Variants in GALNT13 observed in about 807,000 individuals in gnomAD.
GALNT13 encodes UDP-GalNAc:polypeptide N-acetylgalactosaminyltransferase 13.
Under a neutral mutation model 64.2 loss-of-function variants are expected in GALNT13, and 28 were observed. That is an observed-to-expected ratio of 0.44 (90% CI 0.32 to 0.60). GALNT13 has a LOEUF of 0.60. Among genes scored for constraint, GALNT13 ranks in the 20% least tolerant of loss-of-function variants. GALNT13 has a pLI of 0.05. For synonymous variants in GALNT13, 214 were observed against 224.6 expected (o/e 0.95, Z 0.42); for missense variants, 577 against 669.8 (o/e 0.86, Z 1.53).
At chr2:153,328,767 A>G in the GALNT13 span, among the ~76,000 whole-genome samples, 1 of 152,098 alleles carries the variant, frequency 6.6e-6, no homozygotes, top group Non-Finnish European at 1.5e-5. Context: ...TCCGCTCAGC[A>G]AGACCACTCG....
chr2:153,400,050 T>C, the GALNT13 span, among the ~76,000 whole-genome samples: 1 of 152,006 alleles, frequency 6.6e-6, no homozygotes, highest in Non-Finnish European at 1.5e-5. Context: ...AGTATGATAC[T>C]GGCTGTGGGT....
intron 4 of GALNT13, among the ~76,000 whole-genome samples, chr2:154,204,020 A>G (rs1009165703): frequency 4.6e-5 from 7 of 152,100 alleles, no homozygotes; most frequent in Admixed American, 1.3e-4. Context: ...CTCTTTAACT[A>G]TATCTCTGGT....
At chr2:153,083,336 C>G in the GALNT13 span, among the ~76,000 whole-genome samples, 15,765 of 152,168 alleles carry the variant, frequency 0.1, 881 homozygotes, top group Non-Finnish European at 0.12. Context: ...ACAGTGGTTG[C>G]ACTAGTTTAC....
chr2:153,895,291 C>G (rs1687814286), intron 1 of GALNT13, among the ~76,000 whole-genome samples: 3 of 152,112 alleles, frequency 2.0e-5, no homozygotes, highest in Admixed American at 2.0e-4. Context: ...GCCTTAATTA[C>G]ATCCCTTATC....
intron 9 of GALNT13, among the ~76,000 whole-genome samples, chr2:154,370,292 T>C (rs1697610317): frequency 6.6e-6 from 1 of 152,216 alleles, no homozygotes; most frequent in Middle Eastern, 3.4e-3. Flanking sequence ...GATCCAAAAA[T>C]CATTGAACAG....
the GALNT13 span, among the ~76,000 whole-genome samples, chr2:153,554,656 A>ATGTGTGTGTGTGTGTGTGTG: frequency 6.8e-6 from 1 of 146,260 alleles, no homozygotes; most frequent in South Asian, 2.2e-4. Flanking sequence ...GATGCTGTAT[A>ATGTGTGTGTGTGTGTGTGTG]TGTGTGTGTG....
At chr2:153,481,011 G>C in the GALNT13 span, among the ~76,000 whole-genome samples, 627 of 152,258 alleles carry the variant, frequency 4.1e-3, 21 homozygotes, top group East Asian at 0.071. Context: ...AAACCTTGGA[G>C]TCAGGAGAGT....
chr2:153,789,508 C>T, the GALNT13 span, among the ~76,000 whole-genome samples: 495 of 152,136 alleles, frequency 3.3e-3, 5 homozygotes, highest in African/African-American at 0.011. Flanking sequence ...CTCAAATTAA[C>T]AGCCTAATAT....
intron 4 of GALNT13, among the ~76,000 whole-genome samples, chr2:154,163,699 G>A (rs1684867897): frequency 6.6e-6 from 1 of 152,140 alleles, no homozygotes; most frequent in African/African-American, 2.4e-5. Flanking sequence ...CAGGGATAGT[G>A]AATATAGATG....
the GALNT13 span, among the ~76,000 whole-genome samples, chr2:153,393,915 A>T: frequency 6.6e-6 from 1 of 151,334 alleles, no homozygotes; most frequent in African/African-American, 2.4e-5. Flanking sequence ...CAATTCCCTC[A>T]AATAATCAAT....
Position 154,370,090 on chromosome 2 carries a change from A to G in GALNT13, c.1157-25901A>G, listed in dbSNP as rs112314423. On this transcript the variant is annotated intron_variant, in intron 9 of 12. Coordinates refer to ENST00000392825, the MANE Select transcript of GALNT13 (RefSeq NM_052917.4). ...TTTAAATTTTCCTCTGAAAGACTCTATTTTCAAATATAATCATATTGGGGG... is the reference window on the plus strand; with the variant it reads ...TTTAAATTTTCCTCTGAAAGACTCTGTTTTCAAATATAATCATATTGGGGG... Among the ~76,000 whole-genome samples, 382 of 152,152 alleles carry G rather than the reference A, an allele frequency of 2.5e-3. 2 individuals are homozygous for G. Among genetic ancestry groups the G allele is most frequent in the African/African-American group, 8.4e-3 (350 of 41,528 alleles).
chr2:154,166,893 C>G (rs1186384994), intron 4 of GALNT13, among the ~76,000 whole-genome samples: 4 of 151,892 alleles, frequency 2.6e-5, no homozygotes, highest in Admixed American at 6.6e-5. Context: ...AACCAAACAC[C>G]GCATGTTCTC....
chr2:153,074,284 G>C, the GALNT13 span, among the ~76,000 whole-genome samples: 1 of 152,208 alleles, frequency 6.6e-6, no homozygotes, highest in Non-Finnish European at 1.5e-5. Flanking sequence ...TAAATACTTA[G>C]TTCATTTTTT....
the GALNT13 span, among the ~76,000 whole-genome samples, chr2:153,623,378 T>A: frequency 6.6e-6 from 1 of 152,126 alleles, no homozygotes. Flanking sequence ...TATAAAATTG[T>A]AGTTTTGGTG....
the GALNT13 span, among the ~76,000 whole-genome samples, chr2:153,229,073 G>T: frequency 6.6e-6 from 1 of 152,036 alleles, no homozygotes; most frequent in African/African-American, 2.4e-5. Context: ...ACAAGGCTCT[G>T]GTTCTGCTCT....
chr2:154,422,566 C>T (rs975103182), intron 11 of GALNT13, among the ~76,000 whole-genome samples: 3 of 152,174 alleles, frequency 2.0e-5, no homozygotes, highest in Non-Finnish European at 4.4e-5. Context: ...ACCAGATAGA[C>T]ATACTTCTAC....
the GALNT13 span, among the ~76,000 whole-genome samples, chr2:153,829,414 T>G: frequency 9.9e-5 from 15 of 152,056 alleles, no homozygotes; most frequent in Non-Finnish European, 1.5e-4. Flanking sequence ...CTTACATAGA[T>G]GGCAGCAGGC....
chr2:153,943,393 G>A (rs903515313), intron 2 of GALNT13, among the ~76,000 whole-genome samples: 4 of 152,104 alleles, frequency 2.6e-5, no homozygotes, highest in Admixed American at 1.3e-4. Context: ...GGATTTTAGA[G>A]GCTGTGTAAT....
chr2:153,754,120 G>A, the GALNT13 span, among the ~76,000 whole-genome samples: 1 of 151,952 alleles, frequency 6.6e-6, no homozygotes, highest in Non-Finnish European at 1.5e-5. Flanking sequence ...CTCTGGCCCA[G>A]TGCAGATTCA....
Sources: gnomAD v4.1 joint callset for allele counts (sites outside exome capture counted in the v4.1 genomes callset) on GRCh38, gnomAD v4.1.1 for gene constraint, MANE v1.5 for transcripts, NCBI Gene and HGNC (gene_info 2026-07-23, HGNC 2026-07-21) for gene names.